Variants in TMEFF2 observed in about 807,000 individuals in gnomAD.
The protein encoded by TMEFF2 is transmembrane protein with EGF like and two follistatin like domains 2.
In TMEFF2, 28 loss-of-function variants were observed where a neutral mutation model predicts 53.8. The observed-to-expected ratio is 0.52, with a 90% CI of 0.39 to 0.71. The LOEUF is 0.71. TMEFF2 is among the 30% of genes least tolerant of loss of function. TMEFF2 has a pLI of 0.00. For missense variants in TMEFF2, 353 were observed against 455.2 expected, an observed-to-expected ratio of 0.78 and a Z score of 2.04; for synonymous variants, 162 against 166.3, an observed-to-expected ratio of 0.97 and a Z score of 0.20.
intron 7 of TMEFF2, among the ~76,000 whole-genome samples, chr2:191,986,955 G>A (rs767373026): frequency 1.3e-5 from 2 of 151,878 alleles, no homozygotes; most frequent in Admixed American, 6.6e-5. Flanking sequence ...TTTGGGGAAC[G>A]GGAGAATTCA....
chr2:192,001,920 G>A (rs1574281253), intron 5 of TMEFF2, among the ~76,000 whole-genome samples: 2 of 152,314 alleles, frequency 1.3e-5, no homozygotes, highest in East Asian at 1.9e-4. Flanking sequence ...AATTGGACTG[G>A]TTAGAATCAG....
intron 4 of TMEFF2, chr2:192,178,068 G>A (rs1691094360): frequency 6.6e-6 from 1 of 150,894 alleles, no homozygotes; most frequent in African/African-American, 2.4e-5. Flanking sequence ...GTTTTATTTT[G>A]TCTTTAAAGA....
chr2:191,995,239 CAAG>C (rs761615448), intron 7 of TMEFF2, among the ~76,000 whole-genome samples: 3 of 151,908 alleles, frequency 2.0e-5, no homozygotes, highest in Non-Finnish European at 4.4e-5. Flanking sequence ...GACTTTCTTT[CAAG>C]AAGATCTCCA....
rs796267672 is a variant in TMEFF2 at position 192,075,332 on chromosome 2, T to TATATGTAC, written c.440-17558_440-17557insGTACATAT. 2.3e-5 allele frequency among the ~76,000 whole-genome samples: 2 copies of TATATGTAC among 88,148 alleles called. 1 individual carries two copies. Among genetic ancestry groups the TATATGTAC allele is most frequent in the Admixed American group, 2.8e-4 (2 of 7,194 alleles). 57.8% of individuals were successfully genotyped at this position (88,148 alleles called of 152,430 possible). A position where few individuals can be genotyped will look rare whatever the true frequency, so the allele number is the denominator to read the frequency against. On this transcript the variant is annotated intron_variant, in intron 4 of 9. Coordinates refer to ENST00000272771, the MANE Select transcript of TMEFF2 (RefSeq NM_016192.4). ...ATATATATATATATATATATATATATACATACATACTATGTATATCCTTGC... is the reference window on the plus strand; with the variant it reads ...ATATATATATATATATATATATATATATATGTACACATACATACTATGTATATCCTTGC...
Position 191,999,085 on chromosome 2 carries a change from T to C in TMEFF2, c.660A>G (p.Glu220=), listed in dbSNP as rs1331684278. The part of the protein sequence containing the change: ...EASCQKQEKI[E]VMSLGRCQDN... The stretch of plus-strand genomic sequence containing the variant: ...CTTGACATCGACCCAAAGACATGAC[T>C]TCAATTTTCTCCTGTTTCTGACACG... The change falls in exon 6 of 10, where the codon GAA becomes GAG. Residue 220 remains glutamate, a synonymous_variant. Coordinates refer to ENST00000272771, the MANE Select transcript of TMEFF2 (RefSeq NM_016192.4). 1.9e-6 allele frequency: 3 copies of C among 1,610,494 alleles called. No individual in the cohort carries two copies. The highest frequency in any genetic ancestry group is 4.5e-5 in the East Asian group (2 of 44,816).
At chr2:192,193,314 A>T (rs1263193931) in intron 1 of TMEFF2, among the ~76,000 whole-genome samples, 1 of 152,262 alleles carries the variant, frequency 6.6e-6, no homozygotes, top group Non-Finnish European at 1.5e-5. Flanking sequence ...AATGCCAAGG[A>T]AATTACACCA....
At chr2:192,153,068 A>G (rs995703047) in intron 4 of TMEFF2, among the ~76,000 whole-genome samples, 9 of 151,444 alleles carry the variant, frequency 5.9e-5, no homozygotes, top group African/African-American at 2.2e-4. Context: ...TACAGAGCCT[A>G]TATTTAAATA....
At chr2:192,093,897 G>A (rs1020952864) in intron 4 of TMEFF2, among the ~76,000 whole-genome samples, 1 of 152,194 alleles carries the variant, frequency 6.6e-6, no homozygotes, top group South Asian at 2.1e-4. Context: ...AAAAAGCGAA[G>A]TGAAAGGAAA....
chr2:191,977,917 T>C (rs1488842709), intron 7 of TMEFF2, among the ~76,000 whole-genome samples: 1 of 152,222 alleles, frequency 6.6e-6, no homozygotes, highest in African/African-American at 2.4e-5. Flanking sequence ...TATTCATTCA[T>C]TGTGGCAGTA....
At chr2:192,012,698 A>G (rs1291924160) in intron 5 of TMEFF2, among the ~76,000 whole-genome samples, 1 of 152,180 alleles carries the variant, frequency 6.6e-6, no homozygotes, top group Non-Finnish European at 1.5e-5. Context: ...AAAGTAACAG[A>G]ATATAATTAA....
rs140322692 is a variant in TMEFF2, at chr2:191,987,973, A to G, written c.745+10289T>C. Among the ~76,000 whole-genome samples the G allele has an allele frequency of 3.4e-3, 525 of 152,258 alleles. 1 individual carries two copies. The highest frequency in any genetic ancestry group is 0.01 in the Middle Eastern group (3 of 294). On this transcript the variant is annotated intron_variant, in intron 7 of 9. Transcript: ENST00000272771. The stretch of plus-strand genomic sequence containing the variant: ...AATCATGAGTATAATGAAGATGATA[A>G]TGGTTTTCTTAGGATAACATTACAA...
rs751692975 is a variant in TMEFF2, at chr2:191,950,286, C to T, written c.*25G>A. 2 of 1,611,216 alleles carry T rather than the reference C, an allele frequency of 1.2e-6. No individual in the cohort carries two copies. Among genetic ancestry groups the T allele is most frequent in the Non-Finnish European group, 8.5e-7 (1 of 1,178,358 alleles). On this transcript the variant is annotated 3_prime_UTR_variant, in exon 10 of 10. Transcript: ENST00000272771. ...TTGTGTAGTCCAAGCTCTCGGTAGT[C>T]CAGCCACTGTGAAACATGCTCCCTT...
chr2:192,075,378 G>T, intron 4 of TMEFF2, among the ~76,000 whole-genome samples: 1 of 137,938 alleles, frequency 7.2e-6, no homozygotes, highest in African/African-American at 2.8e-5. Context: ...TCTTTTCATG[G>T]GGGCCTAATT....
intron 4 of TMEFF2, among the ~76,000 whole-genome samples, chr2:192,171,530 T>C (rs1157307589): frequency 1.3e-5 from 2 of 152,084 alleles, no homozygotes; most frequent in South Asian, 2.1e-4. Context: ...ACTTTCTGTT[T>C]CTGGCCTTGA....
At position 192,007,698 on chromosome 2, in the gene TMEFF2, GAGA is replaced by G. The variant is rs570078862; in HGVS notation, c.537-8493_537-8491del. ...GAAAGGTTTTTGAGCACAGTGTGAT[GAGA>G]AGGTCAACATGATGAAAGCGGTGCT... On this transcript the variant is annotated intron_variant, in intron 5 of 9. Transcript: ENST00000272771. Among the ~76,000 whole-genome samples, 14 of 152,324 alleles carry G rather than the reference GAGA, an allele frequency of 9.2e-5. No homozygotes were observed. In the South Asian group the frequency reaches 2.7e-3, roughly 29 times the overall value.
At chr2:192,065,130 TTTTC>T (rs1480939054) in intron 4 of TMEFF2, among the ~76,000 whole-genome samples, 3 of 151,880 alleles carry the variant, frequency 2.0e-5, no homozygotes, top group Admixed American at 6.6e-5. Flanking sequence ...CTTTCTAATA[TTTTC>T]TTTCTTTGTC....
intron 7 of TMEFF2, among the ~76,000 whole-genome samples, chr2:191,968,288 G>A (rs1412660721): frequency 1.3e-5 from 2 of 152,198 alleles, no homozygotes; most frequent in Admixed American, 6.5e-5. Context: ...CAGCTAGTCC[G>A]TGGGAAAGAT....
At chr2:191,979,772 C>T (rs1685811159) in intron 7 of TMEFF2, among the ~76,000 whole-genome samples, 1 of 151,594 alleles carries the variant, frequency 6.6e-6, no homozygotes, top group South Asian at 2.1e-4. Context: ...AAAATTAAAC[C>T]CTCTAACTAG....
intron 4 of TMEFF2, among the ~76,000 whole-genome samples, chr2:192,141,573 G>A (rs1403446646): frequency 6.6e-6 from 1 of 151,128 alleles, no homozygotes; most frequent in Non-Finnish European, 1.5e-5. Flanking sequence ...TGGGAACATT[G>A]TTAACAAAGC....
Sources: allele counts gnomAD v4.1 joint callset (sites outside exome capture counted in the v4.1 genomes callset), GRCh38; gene constraint gnomAD v4.1.1; transcripts MANE v1.5; gene names NCBI Gene and HGNC (gene_info 2026-07-23, HGNC 2026-07-21).